Variants in CNTNAP2 observed in about 807,000 individuals in gnomAD.
The protein encoded by CNTNAP2 is contactin-associated protein-like 2.
CNTNAP2 carries 98 observed loss-of-function variants against 155.2 expected under a neutral mutation model. That is an observed-to-expected ratio of 0.63 (90% confidence interval 0.54 to 0.75). The LOEUF is 0.75. CNTNAP2 is among the 30% of genes least tolerant of loss of function. The pLI is 0.00. For missense variants in CNTNAP2, 1,727 were observed against 1,688.1 expected, an observed-to-expected ratio of 1.02 and a Z score of -0.40; for synonymous variants, 651 against 631.2, an observed-to-expected ratio of 1.03 and a Z score of -0.47.
chr7:148,307,807 C>CA (rs959450557), intron 21 of CNTNAP2, among the ~76,000 whole-genome samples: 132 of 151,648 alleles, frequency 8.7e-4, no homozygotes, highest in Middle Eastern at 3.4e-3. Flanking sequence ...CCCATCTCTA[C>CA]AAAAAAAACA....
intron 15 of CNTNAP2, among the ~76,000 whole-genome samples, chr7:148,092,898 A>C (rs896710999): frequency 2.7e-5 from 4 of 149,112 alleles, no homozygotes; most frequent in African/African-American, 9.8e-5. Context: ...AAAAAAAAAA[A>C]ACAACCACAA....
intron 17 of CNTNAP2, among the ~76,000 whole-genome samples, chr7:148,161,411 A>G (rs1457268426): frequency 2.0e-5 from 3 of 152,156 alleles, no homozygotes; most frequent in African/African-American, 7.2e-5. Context: ...ATGAAAAACA[A>G]AAGTTCAGGG....
chr7:146,360,224 G>C (rs893759112), intron 1 of CNTNAP2, among the ~76,000 whole-genome samples: 1 of 152,014 alleles, frequency 6.6e-6, no homozygotes, highest in Non-Finnish European at 1.5e-5. Flanking sequence ...CTCCTTGCCC[G>C]CAAACTCCTT....
At chr7:148,240,933 G>A (rs1266453325) in intron 20 of CNTNAP2, among the ~76,000 whole-genome samples, 1 of 152,154 alleles carries the variant, frequency 6.6e-6, no homozygotes, top group African/African-American at 2.4e-5. Context: ...TATCCTAGCT[G>A]CACTGGCAGC....
intron 20 of CNTNAP2, among the ~76,000 whole-genome samples, chr7:148,263,513 C>G (rs991351873): frequency 6.6e-6 from 1 of 151,874 alleles, no homozygotes; most frequent in South Asian, 2.1e-4. Flanking sequence ...CCGAGGTGGG[C>G]GGAACACAAG....
intron 9 of CNTNAP2, among the ~76,000 whole-genome samples, chr7:147,373,959 GA>G (rs986564568): frequency 2.8e-4 from 42 of 150,024 alleles, no homozygotes; most frequent in Middle Eastern, 6.9e-3. Context: ...AATTTATCAG[GA>G]AAAAAAAAGC....
At chr7:146,415,205 A>AAC (rs998994829) in intron 1 of CNTNAP2, among the ~76,000 whole-genome samples, 3 of 151,986 alleles carry the variant, frequency 2.0e-5, no homozygotes, top group Admixed American at 6.6e-5. Context: ...ATCAGGGAGA[A>AAC]ACACACACAC....
chr7:146,140,835 G>C (rs965798789), intron 1 of CNTNAP2, among the ~76,000 whole-genome samples: 6 of 152,044 alleles, frequency 3.9e-5, no homozygotes, highest in African/African-American at 1.2e-4. Flanking sequence ...AATTTACTGT[G>C]GTGATTTTCT....
intron 9 of CNTNAP2, among the ~76,000 whole-genome samples, chr7:147,363,933 C>T (rs187377201): frequency 2.9e-4 from 44 of 152,206 alleles, no homozygotes; most frequent in Non-Finnish European, 1.2e-4. Flanking sequence ...ATATAGACCT[C>T]GCTTGTTTCT....
intron 8 of CNTNAP2, among the ~76,000 whole-genome samples, chr7:147,286,571 T>C (rs1023401632): frequency 5.9e-5 from 9 of 151,946 alleles, no homozygotes; most frequent in Admixed American, 2.0e-4. Flanking sequence ...AGTCAAATGG[T>C]GCAATTAAAG....
At chr7:147,217,548 A>G (rs1417670965) in intron 8 of CNTNAP2, among the ~76,000 whole-genome samples, 4 of 151,872 alleles carry the variant, frequency 2.6e-5, no homozygotes, top group Admixed American at 6.6e-5. Context: ...TTTGGATTCA[A>G]TTTGCTAATA....
intron 1 of CNTNAP2, among the ~76,000 whole-genome samples, chr7:146,288,796 T>G (rs906830806): frequency 2.1e-4 from 25 of 118,540 alleles, no homozygotes; most frequent in African/African-American, 1.1e-3. Context: ...ATTAGTAATT[T>G]TTTTTTTTTT....
At chr7:148,219,305 C>T (rs537123567) in intron 19 of CNTNAP2, among the ~76,000 whole-genome samples, 5 of 152,294 alleles carry the variant, frequency 3.3e-5, no homozygotes, top group African/African-American at 9.6e-5. Context: ...CTCTAACTCA[C>T]TTCCCATTGG....
At chr7:147,973,160 T>TAAAA (rs35756000) in intron 14 of CNTNAP2, among the ~76,000 whole-genome samples, 35 of 120,832 alleles carry the variant, frequency 2.9e-4, no homozygotes, top group African/African-American at 6.2e-4. Context: ...TCTCTAAAAT[T>TAAAA]AAAAAAAAAA....
intron 3 of CNTNAP2, among the ~76,000 whole-genome samples, chr7:146,929,038 C>A (rs963601638): frequency 6.6e-6 from 1 of 152,192 alleles, no homozygotes; most frequent in Non-Finnish European, 1.5e-5. Context: ...ACAGCAGTAA[C>A]CTCTGCAGAC....
intron 8 of CNTNAP2, among the ~76,000 whole-genome samples, chr7:147,264,166 A>G (rs185412723): frequency 9.7e-4 from 148 of 152,308 alleles, no homozygotes; most frequent in African/African-American, 3.4e-3. Context: ...AATGAAGTGA[A>G]CGCATGAAAA....
At chr7:147,104,582 G>A (rs1031269127) in intron 4 of CNTNAP2, among the ~76,000 whole-genome samples, 8 of 150,920 alleles carry the variant, frequency 5.3e-5, no homozygotes, top group Non-Finnish European at 1.2e-4. Flanking sequence ...CATTTGATGG[G>A]GAAACGGTAT....
chr7:147,259,189 TC>T, intron 8 of CNTNAP2, among the ~76,000 whole-genome samples: 1 of 152,354 alleles, frequency 6.6e-6, no homozygotes, highest in East Asian at 1.9e-4. Flanking sequence ...ACTTAACTTC[TC>T]TGGGTATCAG....
chr7:146,182,095 ATACTT>A lies in CNTNAP2; in HGVS notation c.97+65125_97+65129del, dbSNP rs202171539. Among the ~76,000 whole-genome samples, 1,363 of 152,268 alleles carry A rather than the reference ATACTT, an allele frequency of 9.0e-3. 16 individuals are homozygous for A. Among genetic ancestry groups the A allele is most frequent in the African/African-American group, 0.029 (1,221 of 41,570 alleles). ...TGCTCACAGAAATAATGTAGAAACA[ATACTT>A]TATTTAATAAAAAAGAAAAAGAAAA... On this transcript the variant is annotated intron_variant, in intron 1 of 23. Transcript: ENST00000361727.
Sources: allele counts gnomAD v4.1 joint callset (sites outside exome capture counted in the v4.1 genomes callset), GRCh38; gene constraint gnomAD v4.1.1; transcripts MANE v1.5; gene names NCBI Gene and HGNC (gene_info 2026-07-23, HGNC 2026-07-21).